MINK1: variants seen among roughly 807,000 people sequenced by gnomAD.
MINK1 encodes the protein misshapen-like kinase 1.
Under a neutral mutation model 178.4 loss-of-function variants are expected in MINK1, and 46 were observed. That is an observed-to-expected ratio of 0.26 (90% CI 0.20 to 0.33). The LOEUF is 0.33. MINK1 is among the 10% of genes least tolerant of loss of function. The pLI, the probability that MINK1 is intolerant of heterozygous loss-of-function variation, is 1.00. For synonymous variants in MINK1, 797 were observed against 709.7 expected (o/e 1.12, Z -1.96); for missense variants, 1,366 against 1,814.9 (o/e 0.75, Z 4.49).
rs1456548661 is a variant in MINK1, at chr17:4,889,774, G to A, written c.1347+11G>A. 2.0e-6 allele frequency: 3 copies of A among 1,518,804 alleles called. No homozygotes were observed. The highest frequency in any genetic ancestry group is 1.2e-5 in the South Asian group (1 of 81,364). 94.1% of individuals were successfully genotyped at this position (1,518,804 alleles called of 1,614,324 possible). On this transcript the variant is annotated intron_variant, in intron 13 of 31. Transcript: ENST00000355280. ...GCGGAGCGCGAGCAGGTAGAGCGCCGCACCCGCATCCCTGCCCTCCCGCCC... is the reference window on the plus strand; with the variant it reads ...GCGGAGCGCGAGCAGGTAGAGCGCCACACCCGCATCCCTGCCCTCCCGCCC...
intron 1 of MINK1, among the ~76,000 whole-genome samples, chr17:4,841,553 C>T (rs572525595): frequency 2.0e-5 from 3 of 147,398 alleles, no homozygotes; most frequent in African/African-American, 7.4e-5. Context: ...CTTTACTGAT[C>T]ACATCATCCA....
chr17:4,841,670 G>C (rs1304632284), intron 1 of MINK1, among the ~76,000 whole-genome samples: 1 of 152,052 alleles, frequency 6.6e-6, no homozygotes, highest in African/African-American at 2.4e-5. Context: ...TAGAGACTGT[G>C]ATCCATATTT....
chr17:4,891,487 C>T lies in MINK1; in HGVS notation c.1772C>T (p.Pro591Leu). 6.2e-7 allele frequency: 1 copy of T among 1,601,360 alleles called. No individual in the cohort carries two copies. Among genetic ancestry groups the T allele is most frequent in the Non-Finnish European group, 8.5e-7 (1 of 1,171,242 alleles). The change falls in exon 16 of 32, where the codon CCA becomes CTA. Residue 591 changes from proline to leucine, a missense_variant. Physicochemically the swap from Pro to Leu is moderately conservative, Grantham distance 98. Transcript: ENST00000355280. Reference protein sequence around the residue: ...SLVAHRVPLKPYAAPVPRSQS... With the variant: ...SLVAHRVPLKLYAAPVPRSQS... ...GTGGCACACCGGGTCCCACTGAAGCCATATGCAGCACCTGTACCCCGATCC... is the reference window on the plus strand; with the variant it reads ...GTGGCACACCGGGTCCCACTGAAGCTATATGCAGCACCTGTACCCCGATCC...
At chr17:4,890,867 G>A (rs1968717233) in intron 14 of MINK1, 84 bp from the exon 15 acceptor site, 15 of 1,532,864 alleles carry the variant, frequency 9.8e-6, no homozygotes, top group African/African-American at 1.4e-5. Context: ...AGCATAGGGC[G>A]GGAGTAGTTA....
intron 2 of MINK1, 79 bp downstream of exon 2, chr17:4,878,461 G>A: frequency 7.8e-7 from 1 of 1,289,158 alleles, no homozygotes; most frequent in East Asian, 2.6e-5. Flanking sequence ...TAGATTCCTG[G>A]TCTGCAGGTC....
intron 1 of MINK1, among the ~76,000 whole-genome samples, chr17:4,840,685 T>G (rs1292150176): frequency 6.6e-6 from 1 of 152,170 alleles, no homozygotes; most frequent in Admixed American, 6.5e-5. Context: ...CTTTCTAACA[T>G]TGGATAGATA....
chr17:4,847,761 C>T lies in MINK1; in HGVS notation c.57+14121C>T, dbSNP rs1231278462. On this transcript the variant is annotated intron_variant, in intron 1 of 31. Transcript: ENST00000355280. ...TGCCAGTGGCCAGGGCGGGTGGTGT[C>T]TCAGAGCTGGTCTCGGAAACATCAG... Among the ~76,000 whole-genome samples the T allele has an allele frequency of 3.3e-5, 5 of 152,072 alleles. 1 individual carries two copies. The highest frequency in any genetic ancestry group is 1.2e-4 in the African/African-American group (5 of 41,390).
At chr17:4,890,445 A>C in intron 13 of MINK1, 72 bp from the exon 14 acceptor site, 1 of 1,516,530 alleles carries the variant, frequency 6.6e-7, no homozygotes, top group Non-Finnish European at 8.9e-7. Context: ...GTTGGAGAAA[A>C]GAGAGGGCAT....
chr17:4,869,346 G>A (rs943757962), intron 1 of MINK1, among the ~76,000 whole-genome samples: 2 of 151,064 alleles, frequency 1.3e-5, no homozygotes, highest in African/African-American at 2.4e-5. Flanking sequence ...GCACGATCTC[G>A]GCTCACTGTA....
chr17:4,839,110 A>G (rs1297210761), intron 1 of MINK1, among the ~76,000 whole-genome samples: 2 of 152,006 alleles, frequency 1.3e-5, no homozygotes, highest in Non-Finnish European at 2.9e-5. Flanking sequence ...TGCCTGGCTA[A>G]TTTTTTGTAT....
At chr17:4,835,269 C>G (rs1200208786) in intron 1 of MINK1, among the ~76,000 whole-genome samples, 1 of 152,138 alleles carries the variant, frequency 6.6e-6, no homozygotes, top group African/African-American at 2.4e-5. Context: ...CCTTTCCTTC[C>G]TACCTTGGTT....
intron 1 of MINK1, among the ~76,000 whole-genome samples, chr17:4,875,888 T>A (rs1473987275): frequency 2.7e-5 from 4 of 148,226 alleles, no homozygotes; most frequent in Admixed American, 2.7e-4. Context: ...CTCCACCTCC[T>A]GGGTTCAAGT....
At position 4,884,933 on chromosome 17, in the gene MINK1, C is replaced by G. The variant is rs1002628532; in HGVS notation, c.439C>G (p.His147Asp). 6.2e-7 allele frequency: 1 copy of G among 1,613,944 alleles called. No individual in the cohort carries two copies. The highest frequency in any genetic ancestry group is 1.3e-5 in the African/African-American group (1 of 75,060). ...CCAGGGTCTGGCCCATCTCCATGCC[C>G]ACAAGGTGATCCATCGAGACATCAA... ...ILRGLAHLHA[H>D]KVIHRDIKGQ... The change falls in exon 6 of 32, where the codon CAC (histidine) becomes GAC (aspartate). Residue 147 changes from histidine (H) to aspartate (D), a missense_variant. By Grantham distance (81) the His-to-Asp change is moderately conservative. Coordinates refer to ENST00000355280, the MANE Select transcript of MINK1 (RefSeq NM_153827.5).
chr17:4,890,451 G>C (rs1597556383), intron 13 of MINK1, 66 bp from the exon 14 acceptor site: 1 of 1,526,302 alleles, frequency 6.6e-7, no homozygotes, highest in Admixed American at 2.0e-5. Flanking sequence ...GAAAAGAGAG[G>C]GCATGCCTGC....
chr17:4,839,921 T>A lies in MINK1; in HGVS notation c.57+6281T>A, dbSNP rs565607524. On this transcript the variant is annotated intron_variant, in intron 1 of 31. Coordinates refer to ENST00000355280, the MANE Select transcript of MINK1 (RefSeq NM_153827.5). ...GTCTAGTAGTAGGGAGAGACATTAA[T>A]CAAGTAATTATTTATTAATGTGTGT... Among the ~76,000 whole-genome samples the A allele has an allele frequency of 5.6e-4, 83 of 148,874 alleles. 1 individual carries two copies. The highest frequency in any genetic ancestry group is 2.0e-3 in the African/African-American group (80 of 39,872).
rs1158839229 is a variant in MINK1, at chr17:4,886,192, A to G, written c.767A>G (p.Lys256Arg). Residue 256 changes from lysine (K) to arginine (R), a missense_variant, in exon 9 of 32, where the codon AAG becomes AGG. Physicochemically the swap from Lys to Arg is conservative, Grantham distance 26. Coordinates refer to ENST00000355280, the MANE Select transcript of MINK1 (RefSeq NM_153827.5). The surrounding 1 kb of genome is among the most constrained non-coding windows in gnomAD (Gnocchi z 6.1). The part of the protein sequence containing the change: ...PRNPPPRLKS[K>R]KWSKKFIDFI... ...AACCCTCCGCCCAGGCTCAAGTCCA[A>G]GAAGTGGTAGGTCTCTGAGAGTGTG... is the stretch of plus-strand genomic sequence containing the variant. The G allele has an allele frequency of 6.2e-7, 1 of 1,613,794 alleles. No individual in the cohort carries two copies. Among genetic ancestry groups the G allele is most frequent in the African/African-American group, 1.3e-5 (1 of 74,908 alleles).
In MINK1 at chr17:4,885,147, A is replaced by G; in HGVS notation, c.508+145A>G. On this transcript the variant is annotated intron_variant, in intron 6 of 31. Transcript: ENST00000355280. This position sits in a 1 kb window ranked among gnomAD's most constrained non-coding sequence, Gnocchi z 5.0. ...CCTCCCCTTTCCCCTCTCCCCCTGG[A>G]ATGCCCTGCCTCCTGCTGAAAATCC... 1 of 771,094 alleles carries G rather than the reference A, an allele frequency of 1.3e-6. No homozygotes were observed. Among genetic ancestry groups the G allele is most frequent in the Non-Finnish European group, 2.1e-6 (1 of 476,090 alleles). 47.8% of individuals were successfully genotyped at this position (771,094 alleles called of 1,614,324 possible).
rs1011469269 is a variant in MINK1, at chr17:4,891,604, C to T, written c.1889C>T (p.Pro630Leu). 10 of 1,603,750 alleles carry T rather than the reference C, an allele frequency of 6.2e-6. No individual in the cohort carries two copies. Among genetic ancestry groups the T allele is most frequent in the Non-Finnish European group, 8.5e-6 (10 of 1,175,890 alleles). ...GCCATCCCCGCACCCACTGCCACGC[C>T]CAGTGCCCGAGGAGCTGTCATCCGC... The part of the protein sequence containing the change: ...DPAIPAPTAT[P>L]SARGAVIRQN... Residue 630 changes from proline to leucine, a missense_variant, in exon 16 of 32, where the codon CCC becomes CTC. Coordinates refer to ENST00000355280, the MANE Select transcript of MINK1 (RefSeq NM_153827.5).
At chr17:4,892,338 C>T in intron 17 of MINK1, 64 bp from the exon 18 acceptor site, 15 of 1,463,344 alleles carry the variant, frequency 1.0e-5, no homozygotes, top group Non-Finnish European at 1.4e-5. Flanking sequence ...GGTGGGAAAG[C>T]CCCAGCCCCA....
Sources: gnomAD v4.1 joint callset for allele counts (sites outside exome capture counted in the v4.1 genomes callset) on GRCh38, gnomAD v4.1.1 for gene constraint, Gnocchi (gnomAD v3.1) non-coding constraint, MANE v1.5 for transcripts, NCBI Gene and HGNC (gene_info 2026-07-23, HGNC 2026-07-21) for gene names.